Variants in DGKH observed in about 807,000 individuals in gnomAD.
DGKH encodes DAG kinase eta.
DGKH carries 90 observed loss-of-function variants against 159.3 expected under a neutral mutation model. The observed-to-expected ratio is 0.57, with a 90% CI of 0.48 to 0.67. The LOEUF (loss-of-function observed/expected upper bound fraction) is 0.67. Ranked by LOEUF, DGKH falls within the 30% of genes least tolerant of loss-of-function variation. The pLI, the probability that DGKH is intolerant of heterozygous loss-of-function variation, is 0.00. For missense variants in DGKH, 1,181 were observed against 1,506.1 expected (o/e 0.78, Z 3.57); for synonymous variants, 536 against 553.8 (o/e 0.97, Z 0.45).
intron 3 of DGKH, among the ~76,000 whole-genome samples, chr13:42,147,303 C>T (rs1566130296): frequency 6.6e-6 from 1 of 152,162 alleles, no homozygotes; most frequent in African/African-American, 2.4e-5. Context: ...TGATGTCTTG[C>T]AGTCAATTCA....
chr13:42,146,257 C>T (rs1224777728), intron 3 of DGKH, among the ~76,000 whole-genome samples: 2 of 147,642 alleles, frequency 1.4e-5, no homozygotes, highest in East Asian at 2.0e-4. Flanking sequence ...CAAGGACAGA[C>T]GTGACTATCC....
chr13:42,119,243 T>C (rs1487700087), intron 1 of DGKH, among the ~76,000 whole-genome samples: 1 of 152,196 alleles, frequency 6.6e-6, no homozygotes, highest in East Asian at 1.9e-4. Context: ...TGAATGGGCA[T>C]GACTGGACTG....
In DGKH at chr13:42,129,641, A is replaced by G. The variant is rs755292308; in HGVS notation, c.384+9A>G. The G allele has an allele frequency of 6.2e-7, 1 of 1,608,144 alleles. No homozygotes were observed. Among genetic ancestry groups the G allele is most frequent in the Non-Finnish European group, 8.5e-7 (1 of 1,176,344 alleles). ...CTAACAACAGCTTCACGGTATGGTT[A>G]TATTCTGCTAACTCCCTTCTCAAAA... is the stretch of plus-strand genomic sequence containing the variant. On this transcript the variant is annotated intron_variant, in intron 3 of 29. Coordinates refer to ENST00000337343, the MANE Select transcript of DGKH (RefSeq NM_178009.5).
rs1057050003 is a variant in DGKH at position 42,041,174 on chromosome 13, A to T, written c.-13+1048A>T. ...GCAAACCGCTGGCGACGGCCCTGCG[A>T]GGACCGTTTCCCGGCTTCACCGACT... On this transcript the variant is annotated intron_variant, in intron 1 of 29. Transcript: ENST00000379274. Among the ~76,000 whole-genome samples the T allele has an allele frequency of 2.0e-5, 3 of 152,138 alleles. No individual in the cohort carries two copies. In the South Asian group the frequency reaches 6.2e-4, roughly 32 times the overall value.
intron 3 of DGKH, among the ~76,000 whole-genome samples, chr13:42,146,323 A>G (rs1042588285): frequency 6.6e-6 from 1 of 152,164 alleles, no homozygotes; most frequent in Non-Finnish European, 1.5e-5. Flanking sequence ...TTAACACAAT[A>G]TCAGGACACA....
chr13:42,155,283 C>T lies in DGKH; in HGVS notation c.385-8C>T. 1 of 1,578,500 alleles carries T rather than the reference C, an allele frequency of 6.3e-7. No individual in the cohort carries two copies. The highest frequency in any genetic ancestry group is 1.2e-5 in the South Asian group (1 of 84,408). On this transcript the variant is annotated splice_polypyrimidine_tract_variant and splice_region_variant and intron_variant, in intron 3 of 29. Coordinates refer to ENST00000337343, the MANE Select transcript of DGKH (RefSeq NM_178009.5). ...TTAACAATCATTAGATTGAATTATC[C>T]CTTTCAGATCATCACTCCATTCAGA...
In DGKH at chr13:42,236,446, T is replaced by C. The variant is rs1331649402; in HGVS notation, c.*7258T>C. On this transcript the variant is annotated 3_prime_UTR_variant, in exon 30 of 30. Coordinates refer to ENST00000337343, the MANE Select transcript of DGKH (RefSeq NM_178009.5). ...TTAAAATAAATATTTTTTTAAAATA[T>C]AAAGCCAAAATGAATTCACCAATAT... 6.6e-6 allele frequency: 1 copy of C among 152,190 alleles called. No individual in the cohort carries two copies. Among genetic ancestry groups the C allele is most frequent in the Non-Finnish European group, 1.5e-5 (1 of 68,028 alleles). 9.4% of individuals were successfully genotyped at this position (152,190 alleles called of 1,614,324 possible). A position where few individuals can be genotyped will look rare whatever the true frequency, so the allele number is the denominator to read the frequency against.
intron 1 of DGKH, chr13:42,040,232 G>C (rs1419069034): frequency 2.0e-5 from 3 of 152,282 alleles, no homozygotes; most frequent in Non-Finnish European, 2.9e-5. Context: ...GGGCTGCACC[G>C]GGAGACGGCG....
chr13:42,175,111 A>C (rs1425168964), intron 12 of DGKH, among the ~76,000 whole-genome samples: 1 of 152,234 alleles, frequency 6.6e-6, no homozygotes, highest in East Asian at 1.9e-4. Flanking sequence ...CCCTCCAGGA[A>C]AATTCATCTG....
At position 42,098,616 on chromosome 13, in the gene DGKH, C is replaced by A. The variant is rs558991231; in HGVS notation, c.193-28847C>A. On this transcript the variant is annotated intron_variant, in intron 1 of 29. Transcript: ENST00000337343. Reference sequence around the variant, plus strand: ...GAAGATTCTTAAGTATATGATTCTTCAAGTTTTTATTTTCTTTATGTTCTT... The same window carrying A: ...GAAGATTCTTAAGTATATGATTCTTAAAGTTTTTATTTTCTTTATGTTCTT... 1.2e-4 allele frequency among the ~76,000 whole-genome samples: 19 copies of A among 152,226 alleles called. No individual in the cohort carries two copies. In the South Asian group the frequency reaches 3.7e-3, roughly 30 times the overall value.
intron 3 of DGKH, among the ~76,000 whole-genome samples, chr13:42,149,199 G>A (rs1955816367): frequency 6.6e-6 from 1 of 152,038 alleles, no homozygotes; most frequent in Admixed American, 6.6e-5. Flanking sequence ...AAATTGATGG[G>A]ATTACAGACA....
At chr13:42,210,883 C>T in intron 24 of DGKH, 118 bp downstream of exon 24, 1 of 801,354 alleles carries the variant, frequency 1.2e-6, no homozygotes, top group Non-Finnish European at 1.9e-6. Context: ...AATTACTCTT[C>T]TTCACACAGC....
intron 29 of DGKH, chr13:42,225,179 T>A: frequency 9.3e-7 from 1 of 1,079,216 alleles, no homozygotes; most frequent in Non-Finnish European, 1.3e-6. Flanking sequence ...TGCCTTGGCC[T>A]CCTACAATGC....
At chr13:42,159,971 G>T (rs117428221) in intron 6 of DGKH, 40 bp from the exon 7 acceptor site, 7 of 1,613,884 alleles carry the variant, frequency 4.3e-6, no homozygotes, top group Admixed American at 3.3e-5. Flanking sequence ...GTTGGTGTCC[G>T]CCAGTCTTCA....
intron 9 of DGKH, among the ~76,000 whole-genome samples, chr13:42,168,104 G>T (rs758500895): frequency 1.3e-5 from 2 of 152,130 alleles, no homozygotes; most frequent in African/African-American, 2.4e-5. Context: ...CTTAAGGAAA[G>T]AATTTATTCT....
At chr13:42,107,302 G>T (rs773341257) in intron 1 of DGKH, among the ~76,000 whole-genome samples, 1 of 152,340 alleles carries the variant, frequency 6.6e-6, no homozygotes, top group South Asian at 2.1e-4. Context: ...AGGAAGATGA[G>T]TGTTTTGTTT....
chr13:42,048,054 C>T (rs1880923969), upstream of DGKH, among the ~76,000 whole-genome samples: 1 of 134,406 alleles, frequency 7.4e-6, no homozygotes, highest in Non-Finnish European at 1.5e-5. The surrounding 1 kb of genome is among the most constrained non-coding windows in gnomAD (Gnocchi z 6.7). Flanking sequence ...TGAACGCCGC[C>T]GTCAGGAGAG....
At chr13:42,228,253 A>G (rs550972269) in intron 29 of DGKH, among the ~76,000 whole-genome samples, 16 of 151,114 alleles carry the variant, frequency 1.1e-4, no homozygotes, top group African/African-American at 3.9e-4. Flanking sequence ...TTATAAGAAG[A>G]AGTTTCTTTA....
At chr13:42,178,272 G>GA in intron 13 of DGKH, 52 bp downstream of exon 13, 2 of 1,394,162 alleles carry the variant, frequency 1.4e-6, no homozygotes, top group Non-Finnish European at 2.0e-6. Flanking sequence ...AATGATAGCT[G>GA]GCTCCTACCA....
Sources: allele counts gnomAD v4.1 joint callset (sites outside exome capture counted in the v4.1 genomes callset), GRCh38; gene constraint gnomAD v4.1.1; non-coding constraint Gnocchi (gnomAD v3.1); transcripts MANE v1.5; gene names NCBI Gene and HGNC (gene_info 2026-07-23, HGNC 2026-07-21).